Variants in IL1RAPL2 observed in about 807,000 individuals in gnomAD.
IL1RAPL2 encodes X-linked interleukin-1 receptor accessory protein-like 2.
IL1RAPL2 carries 3 observed loss-of-function variants against 44.1 expected under a neutral mutation model. That is an observed-to-expected ratio of 0.07 (90% CI 0.03 to 0.18). The LOEUF (loss-of-function observed/expected upper bound fraction) is 0.18, where lower values mean the gene tolerates loss of function less well. Ranked by LOEUF, IL1RAPL2 falls within the 10% of genes least tolerant of loss-of-function variation. IL1RAPL2 has a pLI of 1.00. For missense variants in IL1RAPL2, 391 were observed against 496.4 expected (o/e 0.79, Z 2.02); for synonymous variants, 181 against 178.8 (o/e 1.01, Z -0.10).
At chrX:104,591,341 G>A (rs1236245526) in intron 1 of IL1RAPL2, among the ~76,000 whole-genome samples, 2 of 111,545 alleles carry the variant, frequency 1.8e-5, no homozygotes, top group African/African-American at 6.5e-5. Context: ...AACAAAAAAA[G>A]GAACAAGCAC....
chrX:105,501,765 T>C (rs1172986252), intron 6 of IL1RAPL2, among the ~76,000 whole-genome samples: 4 of 112,211 alleles, frequency 3.6e-5, no homozygotes, highest in Non-Finnish European at 7.5e-5. Context: ...CAAAATCTAG[T>C]TGGGTATTCA....
intron 2 of IL1RAPL2, among the ~76,000 whole-genome samples, chrX:104,925,539 G>C (rs1468659935): frequency 2.7e-5 from 3 of 111,893 alleles, no homozygotes; most frequent in African/African-American, 9.8e-5. Flanking sequence ...ATGCAATGTT[G>C]GTTCAACATA....
At chrX:104,910,472 A>C (rs923189145) in intron 2 of IL1RAPL2, among the ~76,000 whole-genome samples, 3 of 111,576 alleles carry the variant, frequency 2.7e-5, no homozygotes, top group African/African-American at 9.8e-5. Flanking sequence ...GCACCCATCA[A>C]CCTATCATCT....
intron 2 of IL1RAPL2, among the ~76,000 whole-genome samples, chrX:104,947,084 C>A (rs1157560554): frequency 1.8e-5 from 2 of 110,818 alleles, no homozygotes; most frequent in African/African-American, 6.6e-5. Flanking sequence ...CTTCTTGTTT[C>A]CTGACTTTTT....
At chrX:105,073,502 CAT>C (rs1466352646) in intron 2 of IL1RAPL2, among the ~76,000 whole-genome samples, 6 of 110,544 alleles carry the variant, frequency 5.4e-5, no homozygotes, top group Non-Finnish European at 9.4e-5. Flanking sequence ...CCGCAATAAA[CAT>C]ATGTGTGCAT....
chrX:104,949,077 T>A (rs1463604976), intron 2 of IL1RAPL2, among the ~76,000 whole-genome samples: 2 of 111,236 alleles, frequency 1.8e-5, no homozygotes, highest in Non-Finnish European at 3.8e-5. Flanking sequence ...AAGCTATTGA[T>A]TATTGCCACA....
intron 6 of IL1RAPL2, among the ~76,000 whole-genome samples, chrX:105,588,424 G>A (rs146328541): frequency 0.015 from 1,627 of 111,600 alleles, 7 homozygotes; most frequent in Non-Finnish European, 0.022. Context: ...GGATGGATGT[G>A]CAGGTTTGTT....
At chrX:105,571,845 G>A (rs1231168993) in intron 6 of IL1RAPL2, among the ~76,000 whole-genome samples, 3 of 110,432 alleles carry the variant, frequency 2.7e-5, no homozygotes, top group African/African-American at 9.9e-5. Flanking sequence ...TGATGGTATG[G>A]TAGGGGAGGC....
intron 6 of IL1RAPL2, among the ~76,000 whole-genome samples, chrX:105,509,739 G>A (rs1251049809): frequency 9.0e-6 from 1 of 111,086 alleles, no homozygotes; most frequent in Non-Finnish European, 1.9e-5. Flanking sequence ...CCAAAACTAG[G>A]TGGCAAAAAC....
At chrX:105,066,088 G>A (rs976857433) in intron 2 of IL1RAPL2, among the ~76,000 whole-genome samples, 8 of 111,208 alleles carry the variant, frequency 7.2e-5, no homozygotes, top group African/African-American at 2.6e-4. Context: ...ATGGGAAGCA[G>A]GCTGAACCTC....
At chrX:105,759,334 G>T (rs2038667478) in intron 10 of IL1RAPL2, among the ~76,000 whole-genome samples, 1 of 111,300 alleles carries the variant, frequency 9.0e-6, no homozygotes, top group Non-Finnish European at 1.9e-5. Flanking sequence ...ACCAGTTTTG[G>T]ATGAAGCTTT....
At chrX:104,659,513 A>G (rs1569291586) in intron 2 of IL1RAPL2, among the ~76,000 whole-genome samples, 1 of 112,144 alleles carries the variant, frequency 8.9e-6, no homozygotes, top group Non-Finnish European at 1.9e-5. Flanking sequence ...TATTCCTAGA[A>G]CATGTTGGTC....
chrX:105,152,552 G>A (rs1164665696), intron 2 of IL1RAPL2, among the ~76,000 whole-genome samples: 6 of 110,269 alleles, frequency 5.4e-5, no homozygotes, highest in African/African-American at 1.7e-4. Context: ...GTTTACATGG[G>A]CCTTATTCAA....
At chrX:105,228,358 C>G (rs1556191741) in intron 3 of IL1RAPL2, among the ~76,000 whole-genome samples, 1 of 111,857 alleles carries the variant, frequency 8.9e-6, no homozygotes, top group Non-Finnish European at 1.9e-5. Flanking sequence ...ATTATTTTCA[C>G]CAGCTTAGTC....
At chrX:105,452,459 G>C (rs1295060943) in intron 5 of IL1RAPL2, among the ~76,000 whole-genome samples, 1 of 111,417 alleles carries the variant, frequency 9.0e-6, no homozygotes, top group Admixed American at 9.6e-5. Flanking sequence ...AAGCCATAGT[G>C]AAGTCATAGT....
Position 104,825,915 on chromosome X carries a change from C to A in IL1RAPL2, c.82+166920C>A, listed in dbSNP as rs1921437626. ...CTGCTTTGTTGATCTTGTCTGAGTT[C>A]TTTGACATGTTTATGCATGCTTGAG... On this transcript the variant is annotated intron_variant, in intron 2 of 10. Transcript: ENST00000372582. Among the ~76,000 whole-genome samples, 3 of 111,441 alleles carry A rather than the reference C, an allele frequency of 2.7e-5. No individual in the cohort carries two copies. In the South Asian group the frequency reaches 1.1e-3, roughly 42 times the overall value.
chrX:105,708,920 T>C (rs2038186218), intron 6 of IL1RAPL2, among the ~76,000 whole-genome samples: 1 of 112,348 alleles, frequency 8.9e-6, no homozygotes, highest in African/African-American at 3.2e-5. Context: ...TATTTAATTT[T>C]AAACTATTAA....
intron 2 of IL1RAPL2, among the ~76,000 whole-genome samples, chrX:104,906,562 A>C (rs1569339364): frequency 8.9e-6 from 1 of 111,886 alleles, no homozygotes; most frequent in African/African-American, 3.2e-5. Context: ...TATTGAGATA[A>C]TCATGTGGTT....
intron 2 of IL1RAPL2, among the ~76,000 whole-genome samples, chrX:105,032,692 T>A (rs2147753552): frequency 9.0e-6 from 1 of 111,606 alleles, no homozygotes; most frequent in Admixed American, 9.6e-5. Context: ...CTGAAAATAA[T>A]GTATATTCTG....
Sources: allele counts gnomAD v4.1 joint callset (sites outside exome capture counted in the v4.1 genomes callset), GRCh38; gene constraint gnomAD v4.1.1; transcripts MANE v1.5; gene names NCBI Gene and HGNC (gene_info 2026-07-23, HGNC 2026-07-21).